ATP13A5: variants seen among roughly 807,000 people sequenced by gnomAD.
The protein encoded by ATP13A5 is ATPase 13A5.
ATP13A5 carries 149 observed loss-of-function variants against 150.2 expected under a neutral mutation model. The ratio of observed to expected loss-of-function variants is 0.99; its 90% CI spans 0.87 to 1.14. The LOEUF (loss-of-function observed/expected upper bound fraction) is 1.14, where lower values mean the gene tolerates loss of function less well. Ranked by LOEUF, ATP13A5 falls within the 50% of genes most tolerant of loss-of-function variation. The pLI, the probability that ATP13A5 is intolerant of heterozygous loss-of-function variation, is 0.00. For missense variants in ATP13A5, 1,383 were observed against 1,449.3 expected, an observed-to-expected ratio of 0.95 and a Z score of 0.74; for synonymous variants, 497 against 522.2, an observed-to-expected ratio of 0.95 and a Z score of 0.66.
At chr3:193,313,540 T>G (rs908148599) in intron 19 of ATP13A5, 1 of 154,150 alleles carries the variant, frequency 6.5e-6, no homozygotes, top group African/African-American at 2.4e-5. Flanking sequence ...GTCATAGGTA[T>G]AGTACAATCT....
chr3:193,291,612 C>T (rs1279423967), intron 25 of ATP13A5, among the ~76,000 whole-genome samples: 2 of 152,008 alleles, frequency 1.3e-5, no homozygotes, highest in Non-Finnish European at 2.9e-5. Flanking sequence ...GCCTGACCTC[C>T]AGATAGGGGA....
At chr3:193,330,727 C>A (rs1486451262) in intron 12 of ATP13A5, among the ~76,000 whole-genome samples, 1 of 152,190 alleles carries the variant, frequency 6.6e-6, no homozygotes, top group East Asian at 1.9e-4. Flanking sequence ...TCCTTTCCTT[C>A]AAAGAAGCAG....
chr3:193,378,630 T>C, intron 1 of ATP13A5, 33 bp downstream of exon 1: 1 of 1,596,994 alleles, frequency 6.3e-7, no homozygotes, highest in Non-Finnish European at 8.6e-7. Context: ...TTGGGCTCTT[T>C]GAGAAGACTA....
chr3:193,319,032 G>C lies in ATP13A5; in HGVS notation c.1992C>G (p.Thr664=). ...CTTCTGAAAGATTCCCCATCTTTAA[G>C]GTTTTGTGGGCAAGAGCAATGACAC... ...GFRVIALAHK[T]LKMGNLSEVE... The change falls in exon 17 of 30, where the codon ACC becomes ACG. Residue 664 remains threonine, a synonymous_variant. Transcript: ENST00000342358. The C allele has an allele frequency of 6.2e-7, 1 of 1,613,914 alleles. No homozygotes were observed. Among genetic ancestry groups the C allele is most frequent in the Non-Finnish European group, 8.5e-7 (1 of 1,179,844 alleles).
At chr3:193,289,171 T>C (rs1227556402) in intron 26 of ATP13A5, among the ~76,000 whole-genome samples, 2 of 152,222 alleles carry the variant, frequency 1.3e-5, no homozygotes, top group South Asian at 2.1e-4. Context: ...GCAGCTCTTT[T>C]CCTGCCTTTT....
intron 16 of ATP13A5, among the ~76,000 whole-genome samples, chr3:193,321,380 C>T (rs940591904): frequency 6.6e-6 from 1 of 152,186 alleles, no homozygotes; most frequent in Non-Finnish European, 1.5e-5. Context: ...CCTATAATCC[C>T]AGCACTTTTG....
intron 16 of ATP13A5, among the ~76,000 whole-genome samples, chr3:193,321,356 C>T (rs960876615): frequency 4.6e-5 from 7 of 152,128 alleles, no homozygotes; most frequent in Admixed American, 2.6e-4. Flanking sequence ...CTCGGCTGGC[C>T]GCGGTGGCTC....
intron 5 of ATP13A5, among the ~76,000 whole-genome samples, chr3:193,356,054 A>T (rs1028390158): frequency 1.3e-5 from 2 of 152,190 alleles, no homozygotes; most frequent in East Asian, 3.9e-4. Flanking sequence ...CTACCCGCTC[A>T]GTCCCTCAAT....
chr3:193,300,962 G>A (rs370028269), intron 24 of ATP13A5, among the ~76,000 whole-genome samples: 1 of 152,166 alleles, frequency 6.6e-6, no homozygotes, highest in Non-Finnish European at 1.5e-5. Flanking sequence ...AGAAACAGGG[G>A]TTTGGAGAGG....
chr3:193,292,346 C>A (rs1175860280), intron 25 of ATP13A5, among the ~76,000 whole-genome samples: 2 of 152,168 alleles, frequency 1.3e-5, no homozygotes, highest in Admixed American at 1.3e-4. Flanking sequence ...CTCTGTGCAT[C>A]TGGCTTCTAC....
intron 2 of ATP13A5, 91 bp from the exon 3 acceptor site, chr3:193,363,473 T>C: frequency 8.1e-7 from 1 of 1,232,574 alleles, no homozygotes; most frequent in South Asian, 1.5e-5. Context: ...TACAAAACTT[T>C]GACCCAAACA....
Position 193,344,199 on chromosome 3 carries a change from A to G in ATP13A5, c.815-144T>C, listed in dbSNP as rs998163968. 51 of 1,077,222 alleles carry G rather than the reference A, an allele frequency of 4.7e-5. No homozygotes were observed. The African/African-American group carries it at 7.1e-4, about 15-fold the overall frequency. 66.7% of individuals were successfully genotyped at this position (1,077,222 alleles called of 1,614,324 possible). On this transcript the variant is annotated intron_variant, in intron 8 of 29. Coordinates refer to ENST00000342358, the MANE Select transcript of ATP13A5 (RefSeq NM_198505.4). ...TTGAAGCCCCTTTTTAGTCAATTGA[A>G]AATTCCGAAAGAATCAGGATTAGGA... is the stretch of plus-strand genomic sequence containing the variant.
chr3:193,375,804 G>A (rs113641884), intron 1 of ATP13A5, among the ~76,000 whole-genome samples: 6 of 152,284 alleles, frequency 3.9e-5, no homozygotes, highest in African/African-American at 7.2e-5. Flanking sequence ...TCTCCATGCT[G>A]AGCTCAGCAG....
rs569009559 is a variant in ATP13A5, at chr3:193,307,546, CA to C, written c.2526-178del. The C allele has an allele frequency of 3.3e-4, 233 of 713,942 alleles. 1 individual carries two copies. Among genetic ancestry groups the C allele is most frequent in the Non-Finnish European group, 4.6e-4 (193 of 422,684 alleles). 44.2% of individuals were successfully genotyped at this position (713,942 alleles called of 1,614,324 possible). On this transcript the variant is annotated intron_variant, in intron 21 of 29. Coordinates refer to ENST00000342358, the MANE Select transcript of ATP13A5 (RefSeq NM_198505.4). ...GAGACATATTCCCAGAGGGAAAAGG[CA>C]GTTGCGTTATTTAAGTTGTTTCAAT...
chr3:193,350,345 C>T (rs540822115), intron 7 of ATP13A5, among the ~76,000 whole-genome samples: 2 of 152,172 alleles, frequency 1.3e-5, no homozygotes, highest in African/African-American at 4.8e-5. Flanking sequence ...CATTCTTAAG[C>T]TTTCAGAATG....
In ATP13A5 at chr3:193,275,165, A is replaced by G; in HGVS notation, c.3534T>C (p.Tyr1178=). ...AGAATCCATTTTTGCCATCACCTGA[A>G]TAATCTGTCCTGTTTATGGGAGGCC... ...STWPPINRTD[Y]SGDGKNGFYI... Residue 1178 remains tyrosine (Y), a synonymous_variant, in exon 30 of 30, where the codon TAT becomes TAC. Transcript: ENST00000342358. The G allele has an allele frequency of 1.9e-6, 3 of 1,614,194 alleles. No homozygotes were observed. The highest frequency in any genetic ancestry group is 2.5e-6 in the Non-Finnish European group (3 of 1,180,026).
At chr3:193,283,366 G>T (rs80100824) in intron 27 of ATP13A5, among the ~76,000 whole-genome samples, 1 of 151,852 alleles carries the variant, frequency 6.6e-6, no homozygotes, top group African/African-American at 2.4e-5. Flanking sequence ...ATGGAAAAAA[G>T]ATCACAAAAA....
At chr3:193,376,014 C>G (rs1713629060) in intron 1 of ATP13A5, among the ~76,000 whole-genome samples, 1 of 152,190 alleles carries the variant, frequency 6.6e-6, no homozygotes, top group Non-Finnish European at 1.5e-5. Flanking sequence ...CACAGGGAAT[C>G]TTCGGGGAAG....
At chr3:193,364,030 G>A (rs1208495702) in intron 2 of ATP13A5, 77 bp downstream of exon 2, 1 of 1,429,650 alleles carries the variant, frequency 7.0e-7, no homozygotes, top group East Asian at 2.3e-5. Context: ...TATAATACCA[G>A]CCACAGAGTT....
Sources: gnomAD v4.1 joint callset for allele counts (sites outside exome capture counted in the v4.1 genomes callset) on GRCh38, gnomAD v4.1.1 for gene constraint, MANE v1.5 for transcripts, NCBI Gene and HGNC (gene_info 2026-07-23, HGNC 2026-07-21) for gene names.